Variants in CABP1 observed in about 807,000 individuals in gnomAD.
The protein encoded by CABP1 is calcium binding protein 1.
A neutral mutation model predicts 34.3 loss-of-function variants in CABP1; 17 were observed. That is an observed-to-expected ratio of 0.50 (90% confidence interval 0.34 to 0.74). The LOEUF is 0.74. Among genes scored for constraint, CABP1 ranks in the 30% least tolerant of loss-of-function variants. The probability of loss-of-function intolerance (pLI) is 0.01; values close to 1 mark genes in which losing one functional copy is unlikely to be tolerated. For synonymous variants in CABP1, 198 were observed against 229.2 expected, an observed-to-expected ratio of 0.86 and a Z score of 1.23; for missense variants, 373 against 511.1, an observed-to-expected ratio of 0.73 and a Z score of 2.61.
chr12:120,669,993 GT>G (rs56720965), downstream of CABP1, among the ~76,000 whole-genome samples: 14,717 of 150,566 alleles, frequency 0.098, 1,581 homozygotes, highest in East Asian at 0.4. Context: ...GCCAGGAAAC[GT>G]TTTTTTTTCT....
In CABP1 at chr12:120,641,455, C is replaced by T; in HGVS notation, c.654+116C>T. 5 of 1,108,126 alleles carry T rather than the reference C, an allele frequency of 4.5e-6. No individual in the cohort carries two copies. Among genetic ancestry groups the T allele is most frequent in the African/African-American group, 1.6e-5 (1 of 61,838 alleles). 68.6% of individuals were successfully genotyped at this position (1,108,126 alleles called of 1,614,324 possible). On this transcript the variant is annotated intron_variant, in intron 1 of 5. Transcript: ENST00000316803. This position sits in a 1 kb window ranked among gnomAD's most constrained non-coding sequence, Gnocchi z 6.7. The stretch of plus-strand genomic sequence containing the variant: ...CCGTGGTCCCCCACGGATCACGCCT[C>T]GGCTCACCTCGTCCTCCCCGGGCCG...
In CABP1 at chr12:120,641,405, C is replaced by A. The variant is rs1034494790; in HGVS notation, c.654+66C>A. ...CTCGGGACCCTGCCGGCCGCGGTTG[C>A]GCGTCCACAGCCTCCTCCCGCGGCC... On this transcript the variant is annotated intron_variant, in intron 1 of 5. Coordinates refer to ENST00000316803, the MANE Select transcript of CABP1 (RefSeq NM_001033677.2). The surrounding 1 kb of genome is among the most constrained non-coding windows in gnomAD (Gnocchi z 6.7). 35 of 1,238,960 alleles carry A rather than the reference C, an allele frequency of 2.8e-5. No homozygotes were observed. The highest frequency in any genetic ancestry group is 3.4e-5 in the Non-Finnish European group (34 of 989,920). 76.7% of individuals were successfully genotyped at this position (1,238,960 alleles called of 1,614,324 possible). A position where few individuals can be genotyped will look rare whatever the true frequency, so the allele number is the denominator to read the frequency against.
At chr12:120,656,090 A>G (rs1880186633) in intron 1 of CABP1, 1 of 1,614,132 alleles carries the variant, frequency 6.2e-7, no homozygotes, top group South Asian at 1.1e-5. Flanking sequence ...GTGCTGGCTG[A>G]AGATGTGCCA....
the CABP1 span, among the ~76,000 whole-genome samples, chr12:120,673,988 C>T: frequency 6.6e-6 from 1 of 152,064 alleles, no homozygotes; most frequent in Admixed American, 6.6e-5. Flanking sequence ...TTGAGACCAG[C>T]CTGGGCAACA....
chr12:120,679,306 A>G, the CABP1 span, among the ~76,000 whole-genome samples: 2 of 152,248 alleles, frequency 1.3e-5, no homozygotes, highest in Non-Finnish European at 2.9e-5. Flanking sequence ...GAAAAGAAGT[A>G]TATTAGATGC....
intron 1 of CABP1, among the ~76,000 whole-genome samples, chr12:120,649,221 G>T (rs1879691855): frequency 6.6e-6 from 1 of 152,164 alleles, no homozygotes; most frequent in African/African-American, 2.4e-5. Context: ...CCTCTGGGCA[G>T]CGCCCCCACC....
At chr12:120,644,666 C>G (rs1168067) in intron 1 of CABP1, among the ~76,000 whole-genome samples, 1 of 152,006 alleles carries the variant, frequency 6.6e-6, no homozygotes, top group Non-Finnish European at 1.5e-5. Flanking sequence ...TGTAGAAACA[C>G]GTCTCCTAAT....
Position 120,660,189 on chromosome 12 carries a change from T to C in CABP1, c.686-7T>C. 1.2e-6 allele frequency: 2 copies of C among 1,613,892 alleles called. No individual in the cohort carries two copies. Among genetic ancestry groups the C allele is most frequent in the Non-Finnish European group, 1.7e-6 (2 of 1,179,920 alleles). ...CTGACCACATCCACCTTTGCTCACTTCCCCAGAGCTCCGAGAGGCCTTCAG... is the reference window on the plus strand; with the variant it reads ...CTGACCACATCCACCTTTGCTCACTCCCCCAGAGCTCCGAGAGGCCTTCAG... On this transcript the variant is annotated splice_region_variant and splice_polypyrimidine_tract_variant and intron_variant, in intron 2 of 5. Coordinates refer to ENST00000316803, the MANE Select transcript of CABP1 (RefSeq NM_001033677.2). The surrounding 1 kb of genome is among the most constrained non-coding windows in gnomAD (Gnocchi z 5.0).
At chr12:120,649,424 A>G (rs371198621) in intron 1 of CABP1, among the ~76,000 whole-genome samples, 6 of 152,192 alleles carry the variant, frequency 3.9e-5, no homozygotes, top group African/African-American at 1.4e-4. Flanking sequence ...CACGCGGGGA[A>G]TCTGGCTGGG....
At chr12:120,674,394 G>A in the CABP1 span, among the ~76,000 whole-genome samples, 3 of 152,172 alleles carry the variant, frequency 2.0e-5, no homozygotes, top group African/African-American at 2.4e-5. Context: ...CTGGGATCTG[G>A]CCCTAGACCA....
At chr12:120,649,117 CCT>C (rs1174681413) in intron 1 of CABP1, among the ~76,000 whole-genome samples, 1 of 152,054 alleles carries the variant, frequency 6.6e-6, no homozygotes, top group Non-Finnish European at 1.5e-5. Flanking sequence ...GAGTAACTCC[CCT>C]GATTAAACCA....
the CABP1 span, among the ~76,000 whole-genome samples, chr12:120,676,303 G>A: frequency 6.6e-6 from 1 of 152,230 alleles, no homozygotes; most frequent in African/African-American, 2.4e-5. Context: ...TGGAGGGGCA[G>A]CTGACAAGTA....
intron 2 of CABP1, 51 bp downstream of exon 2, chr12:120,659,959 G>A: frequency 1.3e-6 from 2 of 1,581,820 alleles, no homozygotes; most frequent in Non-Finnish European, 1.7e-6. Flanking sequence ...CTAGGAAGGT[G>A]TGGGAAGGGA....
chr12:120,663,023 A>G (rs1880753867), intron 5 of CABP1, among the ~76,000 whole-genome samples: 1 of 152,128 alleles, frequency 6.6e-6, no homozygotes, highest in African/African-American at 2.4e-5. Context: ...TGTTAGCCCA[A>G]GGGACATTCT....
In CABP1 at chr12:120,660,916, T is replaced by G; in HGVS notation, c.939+76T>G. On this transcript the variant is annotated intron_variant, in intron 4 of 5. Coordinates refer to ENST00000316803, the MANE Select transcript of CABP1 (RefSeq NM_001033677.2). This position sits in a 1 kb window ranked among gnomAD's most constrained non-coding sequence, Gnocchi z 5.0. ...CAGTATAAATACTTCAAAAGAAGCC[T>G]GAGCCTCAAGTCCCAGATCAGGGGA... The G allele has an allele frequency of 7.1e-7, 1 of 1,404,166 alleles. No individual in the cohort carries two copies. The highest frequency in any genetic ancestry group is 1.0e-6 in the Non-Finnish European group (1 of 995,364). 87.0% of individuals were successfully genotyped at this position (1,404,166 alleles called of 1,614,324 possible).
At chr12:120,672,756 G>A in the CABP1 span, among the ~76,000 whole-genome samples, 4 of 149,210 alleles carry the variant, frequency 2.7e-5, no homozygotes, top group South Asian at 4.2e-4. Context: ...GAGGCTGGGC[G>A]CAGTGGCTCA....
intron 1 of CABP1, among the ~76,000 whole-genome samples, chr12:120,642,302 G>C (rs186045600): frequency 6.6e-5 from 10 of 152,208 alleles, no homozygotes; most frequent in East Asian, 5.8e-4. Flanking sequence ...AGGGAAACAG[G>C]GGGGGCTGTG....
intron 5 of CABP1, among the ~76,000 whole-genome samples, chr12:120,665,220 C>T (rs111524607): frequency 0.36 from 54,959 of 151,314 alleles, 10,509 homozygotes; most frequent in Middle Eastern, 0.48. Context: ...GTCAGGAGTT[C>T]GAGACCAGCC....
Position 120,659,858 on chromosome 12 carries a change from G to C in CABP1, c.655-20G>C. ...CCAGGTCCCTTGTCGCGGCTAATAGGACATGTTCTTTTGTTTCAGGATAGA... is the reference window on the plus strand; with the variant it reads ...CCAGGTCCCTTGTCGCGGCTAATAGCACATGTTCTTTTGTTTCAGGATAGA... On this transcript the variant is annotated intron_variant, in intron 1 of 5. Transcript: ENST00000316803. The C allele has an allele frequency of 6.2e-7, 1 of 1,612,258 alleles. No individual in the cohort carries two copies. Among genetic ancestry groups the C allele is most frequent in the Non-Finnish European group, 8.5e-7 (1 of 1,179,508 alleles).
Sources: gnomAD v4.1 joint callset for allele counts (sites outside exome capture counted in the v4.1 genomes callset) on GRCh38, gnomAD v4.1.1 for gene constraint, Gnocchi (gnomAD v3.1) non-coding constraint, MANE v1.5 for transcripts, NCBI Gene and HGNC (gene_info 2026-07-23, HGNC 2026-07-21) for gene names.